PIH1D2: variants seen among roughly 807,000 people sequenced by gnomAD.
PIH1D2 encodes the protein PIH1 domain-containing protein 2.
Under a neutral mutation model 31.2 loss-of-function variants are expected in PIH1D2, and 25 were observed. That is an observed-to-expected ratio of 0.80 (90% CI 0.58 to 1.12). The LOEUF is 1.12. Among genes scored for constraint, PIH1D2 ranks in the 50% most tolerant of loss-of-function variants. The pLI is 0.00. For missense variants in PIH1D2, 310 were observed against 356.6 expected, an observed-to-expected ratio of 0.87 and a Z score of 1.05; for synonymous variants, 116 against 119.9, an observed-to-expected ratio of 0.97 and a Z score of 0.21.
rs369052964 is a variant in PIH1D2, at chr11:112,072,995, T to C, written c.177+3A>G. 2.1e-5 allele frequency: 34 copies of C among 1,598,830 alleles called. No individual in the cohort carries two copies. The highest frequency in any genetic ancestry group is 3.3e-5 in the South Asian group (3 of 89,976). ...CCCCATCCCTGGCACCAACTCGACA[T>C]ACCAGAATCCTGGTCTGTAGACAAA... is the stretch of plus-strand genomic sequence containing the variant. On this transcript the variant is annotated splice_donor_region_variant and intron_variant, in intron 2 of 5. Coordinates refer to ENST00000280350, the MANE Select transcript of PIH1D2 (RefSeq NM_138789.4).
intron 5 of PIH1D2, among the ~76,000 whole-genome samples, 185 bp from the exon 6 acceptor site, chr11:112,068,190 A>C (rs1370972543): frequency 6.6e-6 from 1 of 152,182 alleles, no homozygotes; most frequent in Non-Finnish European, 1.5e-5. Context: ...TCACTACATC[A>C]CACGTTAACT....
rs1555184433 is a variant in PIH1D2, at chr11:112,070,616, T to C, written c.633A>G (p.Ser211=). The part of the protein sequence containing the change: ...PQLLLPKDQV[S]GKAVCLIEEI... Reference sequence around the variant, plus strand: ...CTTCTATCAGACACACTGCTTTGCCTGAAACTTGGTCTTTTGGCAGTAACA... The same window carrying C: ...CTTCTATCAGACACACTGCTTTGCCCGAAACTTGGTCTTTTGGCAGTAACA... The change falls in exon 5 of 6, where the codon TCA becomes TCG. Residue 211 remains serine (S), a synonymous_variant. Coordinates refer to ENST00000280350, the MANE Select transcript of PIH1D2 (RefSeq NM_138789.4). The C allele has an allele frequency of 6.2e-7, 1 of 1,614,164 alleles. No individual in the cohort carries two copies. Among genetic ancestry groups the C allele is most frequent in the South Asian group, 1.1e-5 (1 of 91,086 alleles).
downstream of PIH1D2, among the ~76,000 whole-genome samples, chr11:112,058,616 A>AGGG (rs587768977): frequency 4.6e-4 from 27 of 58,950 alleles, no homozygotes; most frequent in South Asian, 2.8e-3. Flanking sequence ...GGGTGGGGGA[A>AGGG]GGGGGGGGTG....
At chr11:112,068,564 A>T (rs1865006936) in intron 5 of PIH1D2, among the ~76,000 whole-genome samples, 1 of 152,152 alleles carries the variant, frequency 6.6e-6, no homozygotes, top group Non-Finnish European at 1.5e-5. Flanking sequence ...CAGGTGGATC[A>T]CTTGAGGCCA....
chr11:112,060,168 T>TC (rs1592731683), downstream of PIH1D2: 1 of 1,147,260 alleles, frequency 8.7e-7, no homozygotes, highest in East Asian at 2.6e-5. Flanking sequence ...ATTTTTTTTT[T>TC]TTTTTTTTTT....
downstream of PIH1D2, among the ~76,000 whole-genome samples, chr11:112,064,842 ATTTT>A (rs11412850): frequency 7.4e-6 from 1 of 134,936 alleles, no homozygotes. Flanking sequence ...TGGTCTCCAA[ATTTT>A]TTTTTTTTTT....
At chr11:112,072,245 G>C (rs1865142154) in intron 2 of PIH1D2, among the ~76,000 whole-genome samples, 1 of 152,064 alleles carries the variant, frequency 6.6e-6, no homozygotes, top group Non-Finnish European at 1.5e-5. Context: ...AAGGCTGCTG[G>C]CTTTTAATTA....
chr11:112,061,563 A>G (rs1864627181), downstream of PIH1D2: 2 of 199,724 alleles, frequency 1.0e-5, no homozygotes, highest in Non-Finnish European at 2.1e-5. Flanking sequence ...CCTGTTTTTG[A>G]GTATCAGTGT....
chr11:112,059,930 G>C (rs587652725), downstream of PIH1D2: 62 of 1,611,244 alleles, frequency 3.8e-5, no homozygotes, highest in Middle Eastern at 1.7e-4. Flanking sequence ...TCAGTGTTGC[G>C]GTCAGTACTC....
the PIH1D2 span, among the ~76,000 whole-genome samples, chr11:112,052,665 T>C: frequency 2.6e-5 from 4 of 152,162 alleles, no homozygotes; most frequent in Admixed American, 6.5e-5. Context: ...TTAAATCTTG[T>C]TGAAGGGTCT....
chr11:112,073,231 G>A, intron 1 of PIH1D2, 26 bp from the exon 2 acceptor site: 1 of 1,426,364 alleles, frequency 7.0e-7, no homozygotes, highest in Non-Finnish European at 9.6e-7. Context: ...ACTTCAGGAA[G>A]AAAACTGTCT....
chr11:112,062,695 A>T (rs1864712166), downstream of PIH1D2: 5 of 826,376 alleles, frequency 6.1e-6, no homozygotes, highest in South Asian at 8.3e-5. Flanking sequence ...CTGAATTTTT[A>T]AAATGCCGAT....
downstream of PIH1D2, among the ~76,000 whole-genome samples, chr11:112,059,663 G>T (rs1269892524): frequency 6.6e-6 from 1 of 152,132 alleles, no homozygotes; most frequent in Non-Finnish European, 1.5e-5. Flanking sequence ...AAAGTGTTGG[G>T]ATTACAGGCA....
At chr11:112,071,427 A>G (rs1455595586) in intron 3 of PIH1D2, 144 bp from the exon 4 acceptor site, 5 of 1,283,642 alleles carry the variant, frequency 3.9e-6, no homozygotes, top group Non-Finnish European at 5.3e-6. Flanking sequence ...TGCTACAGCA[A>G]TTATGACATT....
At chr11:112,068,202 A>C (rs1864997694) in intron 5 of PIH1D2, among the ~76,000 whole-genome samples, 197 bp from the exon 6 acceptor site, 1 of 152,194 alleles carries the variant, frequency 6.6e-6, no homozygotes, top group Admixed American at 6.5e-5. Flanking sequence ...ACGTTAACTG[A>C]TACAGTACCA....
chr11:112,072,886 A>AC (rs782569469), intron 2 of PIH1D2, 112 bp downstream of exon 2: 18 of 1,091,492 alleles, frequency 1.6e-5, no homozygotes, highest in East Asian at 2.8e-5. Context: ...AAACAAAACA[A>AC]AACAAAAAAA....
At position 112,068,021 on chromosome 11, in the gene PIH1D2, C is replaced by T. The variant is rs1555184081; in HGVS notation, c.814-16G>A. 6.7e-7 allele frequency: 1 copy of T among 1,502,006 alleles called. No individual in the cohort carries two copies. Among genetic ancestry groups the T allele is most frequent in the Non-Finnish European group, 9.1e-7 (1 of 1,094,620 alleles). The allele number at this position is 1,502,006 out of a possible 1,614,324, so 93.0% of individuals were successfully genotyped here. A position where few individuals can be genotyped will look rare whatever the true frequency, so the allele number is the denominator to read the frequency against. ...ATAAATCATCCTAAGAATAATAAAC[C>T]AAGAGATTTATTTCCTGCTTAAAAT... On this transcript the variant is annotated splice_polypyrimidine_tract_variant and intron_variant, in intron 5 of 5. Coordinates refer to ENST00000280350, the MANE Select transcript of PIH1D2 (RefSeq NM_138789.4).
At chr11:112,060,243 G>A (rs1226821129), downstream of PIH1D2, among the ~76,000 whole-genome samples, 2 of 142,900 alleles carry the variant, frequency 1.4e-5, no homozygotes, top group African/African-American at 2.6e-5. Flanking sequence ...CTCACTGCAA[G>A]CTCCGCCTCC....
downstream of PIH1D2, among the ~76,000 whole-genome samples, chr11:112,058,635 G>GT (rs1352684409): frequency 8.2e-6 from 1 of 122,144 alleles, no homozygotes; most frequent in Non-Finnish European, 1.7e-5. Flanking sequence ...TGGGGGGGGG[G>GT]AATCACCTTT....
Sources: gnomAD v4.1 joint callset for allele counts (sites outside exome capture counted in the v4.1 genomes callset) on GRCh38, gnomAD v4.1.1 for gene constraint, MANE v1.5 for transcripts, NCBI Gene and HGNC (gene_info 2026-07-23, HGNC 2026-07-21) for gene names.